Variants in CTNNBL1 observed in about 807,000 individuals in gnomAD.
CTNNBL1 encodes the protein beta-catenin-like protein 1.
A neutral mutation model predicts 72.7 loss-of-function variants in CTNNBL1; 31 were observed. The observed-to-expected ratio is 0.43, with a 90% CI of 0.32 to 0.58. CTNNBL1 has a LOEUF of 0.58. CTNNBL1 is among the 20% of genes least tolerant of loss of function. CTNNBL1 has a pLI of 0.08. For synonymous variants in CTNNBL1, 240 were observed against 267.3 expected (o/e 0.90, Z 1.00); for missense variants, 534 against 725.1 (o/e 0.74, Z 3.03).
Position 37,733,280 on chromosome 20 carries a change from G to A in CTNNBL1, c.219+213G>A, listed in dbSNP as rs6122935. ...AAGAATGTGACAGAGTTTTAAAATT[G>A]TTCCATATTATGTACTGTAGGGGAG... On this transcript the variant is annotated intron_variant, in intron 2 of 15. Transcript: ENST00000361383. Among the ~76,000 whole-genome samples, 429 of 152,244 alleles carry A rather than the reference G, an allele frequency of 2.8e-3. 5 individuals carry two copies. Among genetic ancestry groups the A allele is most frequent in the East Asian group, 0.017 (88 of 5,176 alleles).
chr20:37,858,214 A>G (rs1200856218), intron 13 of CTNNBL1, among the ~76,000 whole-genome samples: 2 of 152,220 alleles, frequency 1.3e-5, no homozygotes, highest in African/African-American at 4.8e-5. Flanking sequence ...AAACAAAAAA[A>G]CAGAGATGTC....
chr20:37,790,030 A>G (rs189402155), intron 10 of CTNNBL1, among the ~76,000 whole-genome samples: 2 of 152,360 alleles, frequency 1.3e-5, no homozygotes, highest in East Asian at 3.9e-4. Flanking sequence ...CATCTGTTCC[A>G]GGAACCACCA....
intron 1 of CTNNBL1, among the ~76,000 whole-genome samples, chr20:37,696,561 A>T (rs1264710626): frequency 6.9e-6 from 1 of 145,806 alleles, no homozygotes; most frequent in Non-Finnish European, 1.5e-5. Context: ...CTCCTGCCTC[A>T]GCCTCCTGAG....
Position 37,780,785 on chromosome 20 carries a change from C to T in CTNNBL1, c.1031+1450C>T, listed in dbSNP as rs1050270239. Among the ~76,000 whole-genome samples, 8 of 152,118 alleles carry T rather than the reference C, an allele frequency of 5.3e-5. No homozygotes were observed. In the East Asian group the frequency reaches 5.8e-4, roughly 11 times the overall value. On this transcript the variant is annotated intron_variant, in intron 10 of 15. Coordinates refer to ENST00000361383, the MANE Select transcript of CTNNBL1 (RefSeq NM_030877.5). ...CATTCTTGGAAACCATAACTTTAAGCGAAATGATGTATAATGAAACCAGTT... is the reference window on the plus strand; with the variant it reads ...CATTCTTGGAAACCATAACTTTAAGTGAAATGATGTATAATGAAACCAGTT...
At chr20:37,695,499 C>CCAATAAAAT in intron 1 of CTNNBL1, among the ~76,000 whole-genome samples, 1 of 152,242 alleles carries the variant, frequency 6.6e-6, no homozygotes, top group South Asian at 2.1e-4. Context: ...CCACACTCAG[C>CCAATAAAAT]CAATAAAATA....
intron 10 of CTNNBL1, among the ~76,000 whole-genome samples, chr20:37,801,289 A>G (rs1254931210): frequency 6.6e-6 from 1 of 151,660 alleles, no homozygotes; most frequent in Non-Finnish European, 1.5e-5. Flanking sequence ...CCCATTTCTT[A>G]CTGTTTTCTC....
At chr20:37,719,904 G>T (rs1395762495) in intron 1 of CTNNBL1, among the ~76,000 whole-genome samples, 1 of 146,490 alleles carries the variant, frequency 6.8e-6, no homozygotes, top group East Asian at 2.0e-4. Context: ...GCAGTGATGT[G>T]ATCTCGGCTC....
At chr20:37,815,561 G>GT (rs1255092133) in intron 11 of CTNNBL1, among the ~76,000 whole-genome samples, 1 of 151,882 alleles carries the variant, frequency 6.6e-6, no homozygotes, top group Admixed American at 6.6e-5. Context: ...CAGGTGATCT[G>GT]CCCCCCTCGG....
At chr20:37,791,042 C>T (rs1265138249) in intron 10 of CTNNBL1, among the ~76,000 whole-genome samples, 1 of 152,174 alleles carries the variant, frequency 6.6e-6, no homozygotes, top group Non-Finnish European at 1.5e-5. Flanking sequence ...TGACCTATTT[C>T]ACTCACTGTA....
intron 13 of CTNNBL1, chr20:37,847,968 G>A (rs1032324929): frequency 1.3e-5 from 2 of 152,536 alleles, no homozygotes; most frequent in African/African-American, 4.8e-5. Flanking sequence ...ATATGGAAGG[G>A]GGTGAAGTGC....
At chr20:37,852,554 C>T (rs1047097893) in intron 13 of CTNNBL1, among the ~76,000 whole-genome samples, 1 of 152,194 alleles carries the variant, frequency 6.6e-6, no homozygotes, top group Non-Finnish European at 1.5e-5. Context: ...TGAATCCATC[C>T]ACATACCCAT....
intron 13 of CTNNBL1, among the ~76,000 whole-genome samples, chr20:37,850,389 G>A (rs1023747289): frequency 2.0e-5 from 3 of 152,170 alleles, no homozygotes; most frequent in Admixed American, 6.5e-5. Context: ...CTTGCCCTGT[G>A]TGTGTGTGTC....
intron 3 of CTNNBL1, among the ~76,000 whole-genome samples, chr20:37,744,486 CGTCT>C (rs1452909766): frequency 6.6e-6 from 1 of 152,150 alleles, no homozygotes; most frequent in Non-Finnish European, 1.5e-5. Flanking sequence ...AATCACAGTA[CGTCT>C]ACTCAAGGGA....
intron 11 of CTNNBL1, chr20:37,832,186 A>G (rs1261183442): frequency 2.0e-5 from 3 of 152,272 alleles, no homozygotes; most frequent in African/African-American, 4.8e-5. Context: ...ATCTTGAGTT[A>G]GAGAAAATAG....
At chr20:37,787,668 G>A (rs915096433) in intron 10 of CTNNBL1, among the ~76,000 whole-genome samples, 20 of 152,110 alleles carry the variant, frequency 1.3e-4, no homozygotes, top group Non-Finnish European at 1.8e-4. Context: ...TTAATCCAGC[G>A]TGAAAGTTTG....
At chr20:37,706,747 A>G (rs2072889239) in intron 1 of CTNNBL1, among the ~76,000 whole-genome samples, 3 of 152,222 alleles carry the variant, frequency 2.0e-5, no homozygotes, top group Non-Finnish European at 1.5e-5. Flanking sequence ...AGAATGATAA[A>G]TCTTTTCCAG....
chr20:37,816,288 G>A (rs1048242912), intron 11 of CTNNBL1, among the ~76,000 whole-genome samples: 5 of 152,178 alleles, frequency 3.3e-5, no homozygotes, highest in African/African-American at 1.2e-4. Context: ...TACGGATGGG[G>A]CTGTAGAAAC....
chr20:37,776,083 A>G (rs1255773291), intron 7 of CTNNBL1, among the ~76,000 whole-genome samples: 2 of 152,210 alleles, frequency 1.3e-5, no homozygotes, highest in African/African-American at 4.8e-5. Flanking sequence ...CATTTTTCTT[A>G]AAGTGAAACA....
chr20:37,790,796 A>C (rs186348279), intron 10 of CTNNBL1, among the ~76,000 whole-genome samples: 4 of 152,346 alleles, frequency 2.6e-5, no homozygotes, highest in Admixed American at 2.6e-4. Flanking sequence ...ACATATTTAA[A>C]GTATACAATT....
Sources: gnomAD v4.1 joint callset for allele counts (sites outside exome capture counted in the v4.1 genomes callset) on GRCh38, gnomAD v4.1.1 for gene constraint, MANE v1.5 for transcripts, NCBI Gene and HGNC (gene_info 2026-07-23, HGNC 2026-07-21) for gene names.